The following HTR4 variants were observed in gnomAD, a reference collection of about 807,000 sequenced individuals.
The protein encoded by HTR4 is 5-hydroxytryptamine receptor 4, also known as 5-hydroxytryptamine (serotonin) receptor 4, G protein-coupled.
In HTR4, 16 loss-of-function variants were observed where a neutral mutation model predicts 36.8. The ratio of observed to expected loss-of-function variants is 0.43; its 90% CI spans 0.29 to 0.66. HTR4 has a LOEUF of 0.66. Ranked by LOEUF, HTR4 falls within the 30% of genes least tolerant of loss-of-function variation. The pLI is 0.13. For synonymous variants in HTR4, 189 were observed against 185.1 expected, an observed-to-expected ratio of 1.02 and a Z score of -0.17; for missense variants, 438 against 490.9, an observed-to-expected ratio of 0.89 and a Z score of 1.02.
downstream of HTR4, among the ~76,000 whole-genome samples, chr5:148,473,301 C>CAAA (rs35164649): frequency 0.01 from 701 of 68,556 alleles, 20 homozygotes; most frequent in East Asian, 0.18. Flanking sequence ...GACTCCATCT[C>CAAA]AAAAAAAAAA....
chr5:148,598,133 A>T (rs1450906294), intron 2 of HTR4, among the ~76,000 whole-genome samples: 1 of 152,166 alleles, frequency 6.6e-6, no homozygotes, highest in Admixed American at 6.5e-5. Context: ...GAGTAGGACC[A>T]TAAAAAGGGT....
Position 148,602,579 on chromosome 5 carries a change from A to G in HTR4, c.26+34410T>C, listed in dbSNP as rs552443105. Among the ~76,000 whole-genome samples the G allele has an allele frequency of 1.2e-3, 180 of 152,298 alleles. 2 individuals carry two copies. The highest frequency in any genetic ancestry group is 1.4e-3 in the East Asian group (7 of 5,184). On this transcript the variant is annotated intron_variant, in intron 2 of 6. Coordinates refer to ENST00000377888, the MANE Select transcript of HTR4 (RefSeq NM_000870.7). Reference sequence around the variant, plus strand: ...AACAGCTTAAATTACATAAATAATCAACTAAGAAGCTAGAAATTGAAAAGC... The same window carrying G: ...AACAGCTTAAATTACATAAATAATCGACTAAGAAGCTAGAAATTGAAAAGC...
At chr5:148,506,572 CAGAGTG>C (rs1287413940) in intron 6 of HTR4, among the ~76,000 whole-genome samples, 3 of 152,140 alleles carry the variant, frequency 2.0e-5, no homozygotes, top group Non-Finnish European at 4.4e-5. Context: ...AAACTACCAT[CAGAGTG>C]AACAGGCAAC....
intron 4 of HTR4, among the ~76,000 whole-genome samples, chr5:148,531,133 CA>C (rs759612545): frequency 3.3e-5 from 5 of 152,056 alleles, no homozygotes; most frequent in African/African-American, 1.2e-4. Flanking sequence ...GATTTAATAC[CA>C]AAAGGAGTTA....
At chr5:148,608,323 A>C (rs906126134) in intron 2 of HTR4, among the ~76,000 whole-genome samples, 21 of 152,224 alleles carry the variant, frequency 1.4e-4, no homozygotes, top group African/African-American at 5.1e-4. Context: ...AAATATTATA[A>C]TGAGAAGAGT....
chr5:148,578,769 A>T (rs1761025247), intron 2 of HTR4, among the ~76,000 whole-genome samples: 1 of 152,114 alleles, frequency 6.6e-6, no homozygotes, highest in Non-Finnish European at 1.5e-5. Flanking sequence ...TTCCATGAGT[A>T]AAGTCATGTA....
At position 148,566,486 on chromosome 5, in the gene HTR4, G is replaced by C. The variant is rs1760447235; in HGVS notation, c.27-16224C>G. Among the ~76,000 whole-genome samples the C allele has an allele frequency of 2.0e-5, 3 of 152,178 alleles. No individual in the cohort carries two copies. The South Asian group carries it at 6.2e-4, about 32-fold the overall frequency. On this transcript the variant is annotated intron_variant, in intron 2 of 6. Transcript: ENST00000377888. ...TGCCTTCAAGGGATCTGTGGACGTG[G>C]TGGTGACCAGGACAAAGTGAAAAGC...
At chr5:148,512,932 A>G (rs538074802) in intron 5 of HTR4, among the ~76,000 whole-genome samples, 84 of 152,034 alleles carry the variant, frequency 5.5e-4, no homozygotes, top group Non-Finnish European at 1.1e-3. Context: ...CTCAGTCTCA[A>G]AGATATTGTC....
At chr5:148,554,874 C>T (rs1331097531) in intron 2 of HTR4, among the ~76,000 whole-genome samples, 1 of 151,994 alleles carries the variant, frequency 6.6e-6, no homozygotes, top group African/African-American at 2.4e-5. Flanking sequence ...GTGTTCAGCC[C>T]CCACTTGTAA....
At chr5:148,505,574 A>T (rs1366808807) in intron 6 of HTR4, among the ~76,000 whole-genome samples, 2 of 152,188 alleles carry the variant, frequency 1.3e-5, no homozygotes, top group African/African-American at 4.8e-5. Context: ...GAAAAGAGGA[A>T]GTCAAATTGT....
Position 148,630,664 on chromosome 5 carries a change from C to A in HTR4, c.26+6325G>T, listed in dbSNP as rs1753290798. On this transcript the variant is annotated intron_variant, in intron 2 of 6. Coordinates refer to ENST00000377888, the MANE Select transcript of HTR4 (RefSeq NM_000870.7). The stretch of plus-strand genomic sequence containing the variant: ...CTTATAGCTTATAGTAATTAATTAT[C>A]AGTTTTTGGGTAATAAATATCTACC... Among the ~76,000 whole-genome samples, 5 of 152,072 alleles carry A rather than the reference C, an allele frequency of 3.3e-5. No homozygotes were observed. In the South Asian group the frequency reaches 1.0e-3, roughly 32 times the overall value.
Position 148,622,003 on chromosome 5 carries a change from G to T in HTR4, c.26+14986C>A, listed in dbSNP as rs555563642. Among the ~76,000 whole-genome samples, 322 of 152,138 alleles carry T rather than the reference G, an allele frequency of 2.1e-3. 2 individuals are homozygous for T. Among genetic ancestry groups the T allele is most frequent in the Middle Eastern group, 0.014 (4 of 294 alleles). Reference sequence around the variant, plus strand: ...GCTTCTGTGTGGATCCTGAGACCCAGATGCCAATTTGCATTCCAGCTTTGA... The same window carrying T: ...GCTTCTGTGTGGATCCTGAGACCCATATGCCAATTTGCATTCCAGCTTTGA... On this transcript the variant is annotated intron_variant, in intron 2 of 6. Coordinates refer to ENST00000377888, the MANE Select transcript of HTR4 (RefSeq NM_000870.7).
chr5:148,648,984 A>G (rs1367001877), intron 1 of HTR4, among the ~76,000 whole-genome samples: 1 of 152,196 alleles, frequency 6.6e-6, no homozygotes, highest in South Asian at 2.1e-4. Context: ...TTAAGTAGCC[A>G]GTGTTGGCTT....
chr5:148,598,533 C>CA (rs1482272718), intron 2 of HTR4, among the ~76,000 whole-genome samples: 1 of 151,596 alleles, frequency 6.6e-6, no homozygotes. Context: ...GCCTGGGTGA[C>CA]AGAGTGAGAC....
chr5:148,471,387 C>T (rs186854780), intron 5 of HTR4, among the ~76,000 whole-genome samples: 3 of 152,250 alleles, frequency 2.0e-5, no homozygotes, highest in Non-Finnish European at 4.4e-5. Context: ...CCCAATATCT[C>T]AGCCATTTTC....
intron 1 of HTR4, among the ~76,000 whole-genome samples, chr5:148,643,037 C>A (rs958308269): frequency 6.6e-6 from 1 of 152,056 alleles, no homozygotes; most frequent in African/African-American, 2.4e-5. Flanking sequence ...TGAACTAAGT[C>A]ATTTAGAAAG....
chr5:148,603,154 A>T (rs1040904632), intron 2 of HTR4, among the ~76,000 whole-genome samples: 3 of 152,094 alleles, frequency 2.0e-5, no homozygotes, highest in Non-Finnish European at 4.4e-5. Context: ...ATTGATCTAA[A>T]AATTGTAAGC....
chr5:148,534,324 A>T (rs1758709953), intron 4 of HTR4, among the ~76,000 whole-genome samples: 1 of 152,156 alleles, frequency 6.6e-6, no homozygotes, highest in Non-Finnish European at 1.5e-5. Flanking sequence ...TGATACCTCC[A>T]TGTAGTGGGA....
intron 2 of HTR4, among the ~76,000 whole-genome samples, chr5:148,588,561 T>C (rs1440721429): frequency 2.2e-5 from 3 of 136,230 alleles, no homozygotes; most frequent in Non-Finnish European, 3.1e-5. Flanking sequence ...TGAGATGGAG[T>C]CTCGCTCTGT....
Sources: gnomAD v4.1 joint callset for allele counts (sites outside exome capture counted in the v4.1 genomes callset) on GRCh38, gnomAD v4.1.1 for gene constraint, MANE v1.5 for transcripts, NCBI Gene and HGNC (gene_info 2026-07-23, HGNC 2026-07-21) for gene names.